FER1L6: variants seen among roughly 807,000 people sequenced by gnomAD.
FER1L6 encodes fer-1 like family member 6, also known as fer-1-like protein 6.
FER1L6 carries 177 observed loss-of-function variants against 219.2 expected under a neutral mutation model. That is an observed-to-expected ratio of 0.81 (90% CI 0.71 to 0.91). The LOEUF (loss-of-function observed/expected upper bound fraction) is 0.91, where lower values mean the gene tolerates loss of function less well. Among genes scored for constraint, FER1L6 ranks in the 40% least tolerant of loss-of-function variants. The pLI is 0.00. For missense variants in FER1L6, 2,153 were observed against 2,259.9 expected (o/e 0.95, Z 0.96); for synonymous variants, 768 against 824.3 (o/e 0.93, Z 1.17).
At chr8:123,884,715 T>C (rs928938738) in intron 1 of FER1L6, among the ~76,000 whole-genome samples, 4 of 151,010 alleles carry the variant, frequency 2.6e-5, no homozygotes, top group African/African-American at 9.8e-5. Flanking sequence ...CCCCCAGGTT[T>C]GGTGCTGGGA....
chr8:123,937,525 C>T (rs1340849031), intron 1 of FER1L6, among the ~76,000 whole-genome samples: 1 of 152,110 alleles, frequency 6.6e-6, no homozygotes, highest in Admixed American at 6.5e-5. Flanking sequence ...CCACCTAATA[C>T]TCATAAAACC....
chr8:123,874,927 T>C (rs1249928157), intron 1 of FER1L6, among the ~76,000 whole-genome samples: 2 of 152,232 alleles, frequency 1.3e-5, no homozygotes, highest in Non-Finnish European at 2.9e-5. Flanking sequence ...CCTAGTGTGG[T>C]GGCTTACACC....
chr8:123,856,342 A>G (rs1354490344), intron 1 of FER1L6, among the ~76,000 whole-genome samples: 4 of 129,796 alleles, frequency 3.1e-5, no homozygotes, highest in African/African-American at 1.2e-4. Flanking sequence ...ATATATATAT[A>G]TATATATTAG....
intron 1 of FER1L6, among the ~76,000 whole-genome samples, chr8:123,932,839 C>CTG (rs1813826770): frequency 1.3e-5 from 2 of 152,218 alleles, no homozygotes; most frequent in Non-Finnish European, 2.9e-5. Context: ...AGTATAAATT[C>CTG]TACCCTTCAG....
Position 123,986,114 on chromosome 8 carries a change from T to C in FER1L6, c.1457T>C (p.Phe486Ser), listed in dbSNP as rs967039225. 1.2e-6 allele frequency: 2 copies of C among 1,613,888 alleles called. No individual in the cohort carries two copies. The highest frequency in any genetic ancestry group is 2.7e-5 in the African/African-American group (2 of 75,058). ...NEEFLLFGAFFEATMIDRKIG... is the reference protein window; with the variant it reads ...NEEFLLFGAFSEATMIDRKIG... ...GAATTTTTACTCTTTGGAGCATTTT[T>C]TGAAGCTACCATGATTGACCGGAAG... Residue 486 changes from phenylalanine (F) to serine (S), a missense_variant, in exon 12 of 41, where the codon TTT becomes TCT. By Grantham distance (155) the Phe-to-Ser change is radical (BLOSUM62 -2). Coordinates refer to ENST00000522917, the MANE Select transcript of FER1L6 (RefSeq NM_001039112.2).
Position 124,091,423 on chromosome 8 carries a change from A to C in FER1L6, c.4392A>C (p.Ile1464=). 2 of 1,613,368 alleles carry C rather than the reference A, an allele frequency of 1.2e-6. No individual in the cohort carries two copies. The highest frequency in any genetic ancestry group is 2.7e-5 in the African/African-American group (2 of 75,058). Residue 1464 remains isoleucine (I), a splice_region_variant and synonymous_variant, in exon 34 of 41, where the codon ATA becomes ATC. Coordinates refer to ENST00000522917, the MANE Select transcript of FER1L6 (RefSeq NM_001039112.2). The part of the protein sequence containing the change: ...AICGLQSQYE[I]EGYNAWRDTS... Reference sequence around the variant, plus strand: ...AGTGTGTTCTCCCTCCACTTTTCAGAGAAGGATACAATGCCTGGAGAGACA... The same window carrying C: ...AGTGTGTTCTCCCTCCACTTTTCAGCGAAGGATACAATGCCTGGAGAGACA...
At chr8:123,859,120 C>G (rs990647336) in intron 1 of FER1L6, among the ~76,000 whole-genome samples, 3 of 152,132 alleles carry the variant, frequency 2.0e-5, no homozygotes, top group Non-Finnish European at 2.9e-5. Flanking sequence ...CTTTCTCAGC[C>G]TGCAGAGTAG....
rs558296024 is a variant in FER1L6 at position 123,875,159 on chromosome 8, C to T, written c.-8+22974C>T. Among the ~76,000 whole-genome samples, 678 of 152,234 alleles carry T rather than the reference C, an allele frequency of 4.5e-3. 3 individuals carry two copies. The highest frequency in any genetic ancestry group is 8.5e-3 in the Non-Finnish European group (575 of 68,014). Reference sequence around the variant, plus strand: ...GCAGTGAGCCAAGATGACACTACTGCACTCCAGCCTGGTGATAAGAGTGAG... The same window carrying T: ...GCAGTGAGCCAAGATGACACTACTGTACTCCAGCCTGGTGATAAGAGTGAG... On this transcript the variant is annotated intron_variant, in intron 1 of 40. Coordinates refer to ENST00000522917, the MANE Select transcript of FER1L6 (RefSeq NM_001039112.2).
At chr8:123,896,681 C>A (rs1445527202) in intron 1 of FER1L6, among the ~76,000 whole-genome samples, 3 of 152,070 alleles carry the variant, frequency 2.0e-5, no homozygotes, top group African/African-American at 7.2e-5. Flanking sequence ...ACACATAAAC[C>A]CTGATTTGTT....
chr8:124,031,477 T>C (rs572358588), intron 18 of FER1L6, among the ~76,000 whole-genome samples: 2 of 152,172 alleles, frequency 1.3e-5, no homozygotes, highest in Non-Finnish European at 2.9e-5. Flanking sequence ...CATTCTTTCC[T>C]TCTGGATGTG....
intron 12 of FER1L6, among the ~76,000 whole-genome samples, chr8:123,990,516 G>A (rs1741225893): frequency 6.6e-6 from 1 of 151,940 alleles, no homozygotes; most frequent in Non-Finnish European, 1.5e-5. Flanking sequence ...TTGGCCATTT[G>A]TATTATCTTC....
chr8:124,082,095 T>A (rs923226444), intron 32 of FER1L6, among the ~76,000 whole-genome samples, 193 bp from the exon 33 acceptor site: 1 of 152,228 alleles, frequency 6.6e-6, no homozygotes, highest in African/African-American at 2.4e-5. Context: ...CTATTTGAAA[T>A]TGATAACAGA....
intron 1 of FER1L6, among the ~76,000 whole-genome samples, chr8:123,941,671 A>G (rs1017642554): frequency 2.6e-5 from 4 of 152,248 alleles, no homozygotes; most frequent in Admixed American, 2.6e-4. Context: ...ACAATTCTGC[A>G]GAAAAATAAA....
intron 31 of FER1L6, among the ~76,000 whole-genome samples, chr8:124,075,334 A>G (rs927408743): frequency 7.6e-6 from 1 of 131,106 alleles, no homozygotes; most frequent in Non-Finnish European, 1.9e-5. Flanking sequence ...AAAAACTAAA[A>G]CAAACACACA....
chr8:123,852,410 G>T lies in FER1L6; in HGVS notation c.-8+225G>T, dbSNP rs1305642444. 4.0e-5 allele frequency among the ~76,000 whole-genome samples: 6 copies of T among 151,844 alleles called. No individual in the cohort carries two copies. Among genetic ancestry groups the T allele is most frequent in the African/African-American group, 1.5e-4 (6 of 41,318 alleles). On this transcript the variant is annotated intron_variant, in intron 1 of 40. Coordinates refer to ENST00000522917, the MANE Select transcript of FER1L6 (RefSeq NM_001039112.2). The surrounding 1 kb of genome is among the most constrained non-coding windows in gnomAD (Gnocchi z 4.9). ...TTGGTCTCTGCTGTTGGCAGATTGGGTACTCAGTGGTCGCTGTAGCCAGGT... is the reference window on the plus strand; with the variant it reads ...TTGGTCTCTGCTGTTGGCAGATTGGTTACTCAGTGGTCGCTGTAGCCAGGT...
intron 37 of FER1L6, 140 bp from the exon 38 acceptor site, chr8:124,100,956 GA>G: frequency 2.5e-6 from 2 of 809,420 alleles, no homozygotes; most frequent in South Asian, 1.8e-5. Flanking sequence ...AGTTAAAATG[GA>G]AACTTCCAAC....
intron 16 of FER1L6, among the ~76,000 whole-genome samples, chr8:124,020,163 C>T (rs1008655019): frequency 6.6e-5 from 10 of 152,244 alleles, no homozygotes; most frequent in South Asian, 6.2e-4. Flanking sequence ...GTTTATTTGC[C>T]TGCTGCCATC....
At chr8:124,020,489 T>C (rs1488321382) in intron 16 of FER1L6, among the ~76,000 whole-genome samples, 1 of 152,198 alleles carries the variant, frequency 6.6e-6, no homozygotes, top group African/African-American at 2.4e-5. Flanking sequence ...AAATATTTTT[T>C]TTTCCTAAGC....
chr8:124,101,041 A>G (rs1297703823), intron 37 of FER1L6, 56 bp from the exon 38 acceptor site: 3 of 1,539,466 alleles, frequency 1.9e-6, no homozygotes, highest in Non-Finnish European at 2.7e-6. Context: ...TTATGATTAT[A>G]CTGATGCCTG....
Sources: gnomAD v4.1 joint callset for allele counts (sites outside exome capture counted in the v4.1 genomes callset) on GRCh38, gnomAD v4.1.1 for gene constraint, Gnocchi (gnomAD v3.1) non-coding constraint, MANE v1.5 for transcripts, NCBI Gene and HGNC (gene_info 2026-07-23, HGNC 2026-07-21) for gene names.